WDFY2: variants seen among roughly 807,000 people sequenced by gnomAD.
WDFY2 encodes WD repeat and FYVE domain-containing protein 2.
Under a neutral mutation model 56.4 loss-of-function variants are expected in WDFY2, and 36 were observed. The ratio of observed to expected loss-of-function variants is 0.64; its 90% CI spans 0.49 to 0.84. WDFY2 has a LOEUF of 0.84. Ranked by LOEUF, WDFY2 falls within the 40% of genes least tolerant of loss-of-function variation. The pLI is 0.00. For missense variants in WDFY2, 444 were observed against 512.2 expected (o/e 0.87, Z 1.29); for synonymous variants, 176 against 183.7 (o/e 0.96, Z 0.34).
At chr13:51,713,951 C>T (rs1952285717) in intron 4 of WDFY2, among the ~76,000 whole-genome samples, 1 of 150,712 alleles carries the variant, frequency 6.6e-6, no homozygotes, top group African/African-American at 2.4e-5. Flanking sequence ...TGGTGATTAC[C>T]AAGGCCCAGG....
At chr13:51,628,202 G>A (rs558121087) in intron 1 of WDFY2, among the ~76,000 whole-genome samples, 3 of 152,314 alleles carry the variant, frequency 2.0e-5, no homozygotes, top group Admixed American at 2.0e-4. Context: ...GCGCTGAGCC[G>A]CCCCTCAGGC....
At chr13:51,662,822 A>T (rs1955638787) in intron 2 of WDFY2, among the ~76,000 whole-genome samples, 1 of 152,186 alleles carries the variant, frequency 6.6e-6, no homozygotes, top group Non-Finnish European at 1.5e-5. Flanking sequence ...GAGAAAGAGG[A>T]CCTTGTGATT....
At chr13:51,756,224 C>A in intron 9 of WDFY2, 108 bp from the exon 10 acceptor site, 1 of 1,473,342 alleles carries the variant, frequency 6.8e-7, no homozygotes, top group Non-Finnish European at 9.1e-7. Context: ...GTTCAGCATC[C>A]TCACCTGGAT....
At chr13:51,730,356 T>C (rs1162961565) in intron 6 of WDFY2, among the ~76,000 whole-genome samples, 2 of 152,212 alleles carry the variant, frequency 1.3e-5, no homozygotes, top group African/African-American at 4.8e-5. Flanking sequence ...TGGCCATTCC[T>C]TCTGGCTGTA....
intron 7 of WDFY2, among the ~76,000 whole-genome samples, chr13:51,744,333 G>C (rs529452930): frequency 6.6e-6 from 1 of 152,334 alleles, no homozygotes; most frequent in African/African-American, 2.4e-5. Context: ...CCGTTGGGCA[G>C]ATGTTAGCTT....
chr13:51,631,776 A>G (rs954642496), intron 1 of WDFY2, among the ~76,000 whole-genome samples: 2 of 152,170 alleles, frequency 1.3e-5, no homozygotes, highest in Non-Finnish European at 2.9e-5. Flanking sequence ...CAGTCCTCCC[A>G]TCTCAGCCTC....
intron 7 of WDFY2, among the ~76,000 whole-genome samples, chr13:51,740,487 G>A (rs1244688442): frequency 1.3e-5 from 2 of 152,248 alleles, no homozygotes; most frequent in South Asian, 2.1e-4. Context: ...AGGCCGAGGC[G>A]GGCGGATCAC....
At chr13:51,644,673 T>G (rs1955233211) in intron 1 of WDFY2, among the ~76,000 whole-genome samples, 1 of 152,176 alleles carries the variant, frequency 6.6e-6, no homozygotes, top group Non-Finnish European at 1.5e-5. Context: ...TAGCCATACC[T>G]CTTCTCTAGC....
chr13:51,759,940 T>G lies in WDFY2; in HGVS notation c.*171T>G. On this transcript the variant is annotated 3_prime_UTR_variant, in exon 12 of 12. Transcript: ENST00000298125. ...CAGTGGGGACCTGGCCAGTGAGCACTCGCAAGGGGACTCTTCCAACTTGTT... is the reference window on the plus strand; with the variant it reads ...CAGTGGGGACCTGGCCAGTGAGCACGCGCAAGGGGACTCTTCCAACTTGTT... 1 of 605,900 alleles carries G rather than the reference T, an allele frequency of 1.7e-6. No homozygotes were observed. The highest frequency in any genetic ancestry group is 2.9e-6 in the Non-Finnish European group (1 of 341,400). The allele number at this position is 605,900 out of a possible 1,614,324, so 37.5% of individuals were successfully genotyped here.
At chr13:51,755,487 T>G in intron 9 of WDFY2, 28 bp downstream of exon 9, 1 of 1,597,058 alleles carries the variant, frequency 6.3e-7, no homozygotes, top group African/African-American at 1.3e-5. Context: ...TTCATCAAAA[T>G]GTAATTATAT....
intron 1 of WDFY2, among the ~76,000 whole-genome samples, chr13:51,650,154 C>T (rs1314188084): frequency 6.6e-6 from 1 of 151,758 alleles, no homozygotes; most frequent in Non-Finnish European, 1.5e-5. Flanking sequence ...AGTTGGATTC[C>T]TAGGTATTTT....
chr13:51,723,522 T>C (rs1177512084), intron 5 of WDFY2, among the ~76,000 whole-genome samples: 4 of 152,116 alleles, frequency 2.6e-5, no homozygotes, highest in Non-Finnish European at 5.9e-5. Flanking sequence ...CTGCACACAG[T>C]CCCATATTCT....
chr13:51,667,875 A>C (rs1158960561), intron 2 of WDFY2, among the ~76,000 whole-genome samples: 3 of 120,730 alleles, frequency 2.5e-5, no homozygotes, highest in Admixed American at 1.9e-4. Flanking sequence ...TACCTGAGGA[A>C]CTTCTTTTTT....
chr13:51,695,479 G>A (rs1173680237), intron 3 of WDFY2, among the ~76,000 whole-genome samples: 4 of 152,194 alleles, frequency 2.6e-5, no homozygotes, highest in African/African-American at 7.2e-5. Flanking sequence ...TACCAGCAGC[G>A]ATGGCTGGAG....
chr13:51,686,083 T>C (rs1261583056), intron 3 of WDFY2, among the ~76,000 whole-genome samples: 3 of 152,142 alleles, frequency 2.0e-5, no homozygotes, highest in Non-Finnish European at 4.4e-5. Context: ...TTCTCAGAGT[T>C]TGTGGGAGAA....
At chr13:51,677,413 A>C (rs952804581) in intron 3 of WDFY2, among the ~76,000 whole-genome samples, 1 of 152,238 alleles carries the variant, frequency 6.6e-6, no homozygotes, top group East Asian at 1.9e-4. Flanking sequence ...TTCAGGATTC[A>C]CATTGATCAC....
chr13:51,727,603 C>A lies in WDFY2; in HGVS notation c.486-75C>A, dbSNP rs1000892321. 2.4e-5 allele frequency: 33 copies of A among 1,400,930 alleles called. No homozygotes were observed. In the Admixed American group the frequency reaches 5.6e-4, roughly 24 times the overall value. The allele number at this position is 1,400,930 out of a possible 1,614,324, so 86.8% of individuals were successfully genotyped here. A position where few individuals can be genotyped will look rare whatever the true frequency, so the allele number is the denominator to read the frequency against. On this transcript the variant is annotated intron_variant, in intron 5 of 11. Coordinates refer to ENST00000298125, the MANE Select transcript of WDFY2 (RefSeq NM_052950.4). ...GATGGGATTTGCGTATTTCTTGTTA[C>A]ATTTATGCCCTGTTTTTTCATTGTA...
At chr13:51,614,266 G>A (rs1260603833) in intron 1 of WDFY2, among the ~76,000 whole-genome samples, 6 of 152,008 alleles carry the variant, frequency 3.9e-5, no homozygotes, top group Non-Finnish European at 5.9e-5. Context: ...TTCTTCAAGG[G>A]ATTATCTCAA....
intron 6 of WDFY2, among the ~76,000 whole-genome samples, chr13:51,732,130 A>AT (rs1037281958): frequency 2.9e-4 from 43 of 150,094 alleles, no homozygotes; most frequent in African/African-American, 4.4e-4. Context: ...ACAGAGGAGA[A>AT]TTTTTTTTTT....
Sources: gnomAD v4.1 joint callset for allele counts (sites outside exome capture counted in the v4.1 genomes callset) on GRCh38, gnomAD v4.1.1 for gene constraint, MANE v1.5 for transcripts, NCBI Gene and HGNC (gene_info 2026-07-23, HGNC 2026-07-21) for gene names.